The following CEPT1 variants were observed in gnomAD, a reference collection of about 807,000 sequenced individuals.
The protein encoded by CEPT1 is choline/ethanolamine phosphotransferase 1.
In CEPT1, 7 loss-of-function variants were observed where a neutral mutation model predicts 42.6. The observed-to-expected ratio is 0.16, with a 90% CI of 0.09 to 0.31. CEPT1 has a LOEUF of 0.31. CEPT1 is among the 10% of genes least tolerant of loss of function. The pLI is 1.00. For missense variants in CEPT1, 306 were observed against 502.1 expected, an observed-to-expected ratio of 0.61 and a Z score of 3.73; for synonymous variants, 171 against 171.9, an observed-to-expected ratio of 0.99 and a Z score of 0.04.
chr1:111,149,637 T>A (rs903702524), intron 2 of CEPT1, among the ~76,000 whole-genome samples: 1 of 152,242 alleles, frequency 6.6e-6, no homozygotes, highest in African/African-American at 2.4e-5. Flanking sequence ...TATTTAAATG[T>A]GTCCTTGGAT....
chr1:111,179,888 G>A (rs1449058468), intron 5 of CEPT1: 1 of 152,168 alleles, frequency 6.6e-6, no homozygotes, highest in African/African-American at 2.4e-5. Context: ...CCAACACTCA[G>A]GAGCTTATGT....
chr1:111,147,927 T>C lies in CEPT1; in HGVS notation c.213T>C (p.Tyr71=). ...TGCTTGAGCCCTTAATGCAAGGGTA[T>C]TGGGAATGGCTCGTTAGAAGAGTTC... ...RSLLEPLMQG[Y]WEWLVRRVPS... is the part of the protein sequence containing the mutation. The change falls in exon 2 of 9, where the codon TAT becomes TAC. Residue 71 remains tyrosine (Y), a synonymous_variant. Transcript: ENST00000357172. 1 of 1,614,214 alleles carries C rather than the reference T, an allele frequency of 6.2e-7. No individual in the cohort carries two copies. Among genetic ancestry groups the C allele is most frequent in the Non-Finnish European group, 8.5e-7 (1 of 1,180,030 alleles).
At chr1:111,158,412 A>T (rs191118791) in intron 2 of CEPT1, among the ~76,000 whole-genome samples, 220 of 152,294 alleles carry the variant, frequency 1.4e-3, no homozygotes, top group Non-Finnish European at 2.7e-3. Flanking sequence ...TCTGTTTGGG[A>T]AAAGAGAAGC....
At chr1:111,142,633 A>G (rs1320615956) in intron 1 of CEPT1, among the ~76,000 whole-genome samples, 1 of 152,214 alleles carries the variant, frequency 6.6e-6, no homozygotes, top group Admixed American at 6.5e-5. Context: ...AGCCTGTGCT[A>G]CAGAGCGAGA....
At chr1:111,176,165 T>C (rs569077990) in intron 5 of CEPT1, among the ~76,000 whole-genome samples, 2 of 152,282 alleles carry the variant, frequency 1.3e-5, no homozygotes, top group South Asian at 4.1e-4. Context: ...CTGGGAAAAT[T>C]CTGAAACTAT....
In CEPT1 at chr1:111,161,136, C is replaced by G. The variant is rs922450419; in HGVS notation, c.488-19C>G. ...GCTATTCATATTATTTGGTTTTCAT[C>G]GTGATCTTTCTTCTGCAGTTTTTGT... On this transcript the variant is annotated intron_variant, in intron 3 of 8. Coordinates refer to ENST00000357172, the MANE Select transcript of CEPT1 (RefSeq NM_006090.5). The G allele has an allele frequency of 6.2e-7, 1 of 1,613,668 alleles. No individual in the cohort carries two copies. The highest frequency in any genetic ancestry group is 8.5e-7 in the Non-Finnish European group (1 of 1,179,780).
Position 111,147,765 on chromosome 1 carries a change from G to A in CEPT1, c.51G>A (p.Glu17=), listed in dbSNP as rs1655051609. 1 of 1,613,816 alleles carries A rather than the reference G, an allele frequency of 6.2e-7. No individual in the cohort carries two copies. Among genetic ancestry groups the A allele is most frequent in the Non-Finnish European group, 8.5e-7 (1 of 1,179,784 alleles). Residue 17 remains glutamate, a synonymous_variant, in exon 2 of 9, where the codon GAG becomes GAA. Coordinates refer to ENST00000357172, the MANE Select transcript of CEPT1 (RefSeq NM_006090.5). ...AAAGATGTGGAGATTCTCACCCGGA[G>A]TCCCCAGTGGGCTTCGGGCATATGA... The part of the protein sequence containing the change: ...TRKRCGDSHP[E]SPVGFGHMST...
chr1:111,146,612 A>C (rs971517117), intron 1 of CEPT1, among the ~76,000 whole-genome samples: 1 of 152,114 alleles, frequency 6.6e-6, no homozygotes, highest in Non-Finnish European at 1.5e-5. Flanking sequence ...AGATCACTGT[A>C]CTTACTAATT....
intron 5 of CEPT1, chr1:111,178,734 A>G (rs1223184209): frequency 6.6e-6 from 1 of 152,172 alleles, no homozygotes; most frequent in Non-Finnish European, 1.5e-5. Flanking sequence ...ATCAAATTGT[A>G]TTAAGCCATA....
chr1:111,159,129 A>T (rs551132298), intron 2 of CEPT1, among the ~76,000 whole-genome samples: 45 of 150,996 alleles, frequency 3.0e-4, no homozygotes, highest in South Asian at 1.3e-3. Context: ...TTTAGCCGGG[A>T]TGGTCTCGAT....
chr1:111,165,312 T>C (rs1656094737), intron 4 of CEPT1, among the ~76,000 whole-genome samples: 1 of 151,808 alleles, frequency 6.6e-6, no homozygotes, highest in African/African-American at 2.4e-5. Flanking sequence ...CCTCCCAAAG[T>C]GCTGGGATTA....
intron 2 of CEPT1, among the ~76,000 whole-genome samples, chr1:111,151,749 C>G (rs1293932559): frequency 1.3e-5 from 2 of 152,150 alleles, no homozygotes; most frequent in Non-Finnish European, 2.9e-5. Flanking sequence ...AAAGATCTAG[C>G]TATGTTAATA....
chr1:111,169,164 T>C (rs998824391), intron 4 of CEPT1, among the ~76,000 whole-genome samples: 1 of 152,222 alleles, frequency 6.6e-6, no homozygotes, highest in Non-Finnish European at 1.5e-5. Flanking sequence ...TTGGTGTAAT[T>C]CCTGGATGCA....
At chr1:111,150,529 A>G (rs1571118268) in intron 2 of CEPT1, among the ~76,000 whole-genome samples, 1 of 152,056 alleles carries the variant, frequency 6.6e-6, no homozygotes, top group Non-Finnish European at 1.5e-5. Flanking sequence ...ACCCAGGGAA[A>G]TTCTCCTTCA....
intron 2 of CEPT1, among the ~76,000 whole-genome samples, chr1:111,150,673 C>T (rs1330554716): frequency 6.6e-6 from 1 of 152,276 alleles, no homozygotes; most frequent in South Asian, 2.1e-4. Flanking sequence ...GAGTTTCAGA[C>T]ACCAATCTTT....
chr1:111,182,272 G>A lies in CEPT1; in HGVS notation c.800G>A (p.Arg267His), dbSNP rs776828886. ...GTIFSCTNYF[R>H]VIFTGGVGKN... ...ATATTTTCCTGTACAAATTACTTCCGTGTAATCTTCACAGGTGGTGTTGGC... is the reference window on the plus strand; with the variant it reads ...ATATTTTCCTGTACAAATTACTTCCATGTAATCTTCACAGGTGGTGTTGGC... Residue 267 changes from arginine (R) to histidine (H), a missense_variant, in exon 6 of 9, where the codon CGT (arginine) becomes CAT (histidine). By Grantham distance (29) the Arg-to-His change is conservative. Around this residue, in one of 2 missense-constraint regions of CEPT1, gnomAD observed 253 missense variants for 447.3 expected, o/e 0.57. Coordinates refer to ENST00000357172, the MANE Select transcript of CEPT1 (RefSeq NM_006090.5). 20 of 1,612,858 alleles carry A rather than the reference G, an allele frequency of 1.2e-5. No homozygotes were observed. Among genetic ancestry groups the A allele is most frequent in the Middle Eastern group, 1.6e-4 (1 of 6,076 alleles).
rs776555376 is a variant in CEPT1, at chr1:111,183,614, A to G, written c.1131+27A>G. ...TAAGTATTGTACTAAGTCTTATTTC[A>G]TGGTTTGAGGGTTTGAAGGTTGCTT... On this transcript the variant is annotated intron_variant, in intron 8 of 8. Transcript: ENST00000357172. 7.5e-6 allele frequency: 12 copies of G among 1,595,572 alleles called. No individual in the cohort carries two copies. The South Asian group carries it at 1.1e-4, about 15-fold the overall frequency.
Position 111,158,619 on chromosome 1 carries a change from G to A in CEPT1, c.340-761G>A, listed in dbSNP as rs544661748. ...CACAGGATGTATTAGCAATATTAAG[G>A]ACTAGAAGAAGTCCTGTAGTAAAGA... On this transcript the variant is annotated intron_variant, in intron 2 of 8. Transcript: ENST00000357172. Among the ~76,000 whole-genome samples, 4 of 152,214 alleles carry A rather than the reference G, an allele frequency of 2.6e-5. No individual in the cohort carries two copies. In the East Asian group the frequency reaches 7.7e-4, roughly 29 times the overall value.
chr1:111,179,320 G>A (rs1656855278), intron 5 of CEPT1: 1 of 152,134 alleles, frequency 6.6e-6, no homozygotes, highest in South Asian at 2.1e-4. Flanking sequence ...CCTGGCTGTA[G>A]GACAGACACC....
Sources: gnomAD v4.1 joint callset for allele counts (sites outside exome capture counted in the v4.1 genomes callset) on GRCh38, gnomAD v4.1.1 for gene constraint, gnomAD v4.1.1 regional missense constraint, MANE v1.5 for transcripts, NCBI Gene and HGNC (gene_info 2026-07-23, HGNC 2026-07-21) for gene names.